RFC3: variants seen among roughly 807,000 people sequenced by gnomAD.
The protein encoded by RFC3 is replication factor C subunit 3, also known as A1 38 kDa subunit.
A neutral mutation model predicts 45.1 loss-of-function variants in RFC3; 41 were observed. The observed-to-expected ratio is 0.91, with a 90% CI of 0.71 to 1.18. RFC3 has a LOEUF of 1.18. Ranked by LOEUF, RFC3 falls within the 50% of genes most tolerant of loss-of-function variation. RFC3 has a pLI of 0.00. For synonymous variants in RFC3, 149 were observed against 144.0 expected, an observed-to-expected ratio of 1.03 and a Z score of -0.25; for missense variants, 423 against 428.1, an observed-to-expected ratio of 0.99 and a Z score of 0.10.
rs12585195 is a variant in RFC3, at chr13:33,922,643, T to C, written c.880-43444T>C. ...TGCCATAAAACCTTTGGGAAAAATA[T>C]GTTTTTTAGTTTGTGCTGTTATGAA... On this transcript the variant is annotated intron_variant, in intron 8 of 8. Coordinates refer to the RFC3 transcript ENST00000434425. Among the ~76,000 whole-genome samples, 4 of 152,254 alleles carry C rather than the reference T, an allele frequency of 2.6e-5. No homozygotes were observed. In the East Asian group the frequency reaches 7.7e-4, roughly 29 times the overall value.
At chr13:33,830,227 A>G (rs1303055667) in intron 5 of RFC3, among the ~76,000 whole-genome samples, 2 of 152,210 alleles carry the variant, frequency 1.3e-5, no homozygotes, top group Non-Finnish European at 1.5e-5. Context: ...AACCATCTTT[A>G]CTTTGAACAA....
intron 8 of RFC3, among the ~76,000 whole-genome samples, chr13:33,894,548 A>G (rs760625123): frequency 6.6e-6 from 1 of 152,152 alleles, no homozygotes; most frequent in African/African-American, 2.4e-5. Context: ...AGCCAAGGGT[A>G]CAGGAGCTGG....
intron 8 of RFC3, among the ~76,000 whole-genome samples, chr13:33,927,417 G>A (rs1237688862): frequency 6.6e-6 from 1 of 152,048 alleles, no homozygotes; most frequent in East Asian, 1.9e-4. Flanking sequence ...GCTCTGATTG[G>A]TGAGTGGTGG....
chr13:33,864,740 T>C (rs977962857), intron 8 of RFC3, among the ~76,000 whole-genome samples: 1 of 152,094 alleles, frequency 6.6e-6, no homozygotes. Context: ...CAGAAAGTGA[T>C]ATAATCCAAT....
intron 8 of RFC3, among the ~76,000 whole-genome samples, chr13:33,945,941 G>A (rs1361584676): frequency 2.0e-5 from 3 of 152,146 alleles, no homozygotes; most frequent in Non-Finnish European, 2.9e-5. Flanking sequence ...AGAATCTTAT[G>A]GTTTCTTTGT....
chr13:33,824,087 G>A lies in RFC3; in HGVS notation c.293+103G>A, dbSNP rs2082027844. 13 of 576,586 alleles carry A rather than the reference G, an allele frequency of 2.3e-5. No homozygotes were observed. The South Asian group carries it at 2.7e-4, about 12-fold the overall frequency. The allele number at this position is 576,586 out of a possible 1,614,324, so 35.7% of individuals were successfully genotyped here. On this transcript the variant is annotated intron_variant, in intron 3 of 8. Coordinates refer to ENST00000380071, the MANE Select transcript of RFC3 (RefSeq NM_002915.4). ...CCTTTTTTGAAATAAATTGATACGT[G>A]TGGAAGCACAGTTTATAAAACAGAC... is the stretch of plus-strand genomic sequence containing the variant.
downstream of RFC3, among the ~76,000 whole-genome samples, chr13:33,839,621 T>C (rs2082182777): frequency 6.6e-6 from 1 of 152,228 alleles, no homozygotes; most frequent in South Asian, 2.1e-4. Flanking sequence ...TGTTCACTTC[T>C]CTACTTAACT....
chr13:33,897,211 A>G (rs2082605799), intron 8 of RFC3, among the ~76,000 whole-genome samples: 1 of 152,128 alleles, frequency 6.6e-6, no homozygotes, highest in Non-Finnish European at 1.5e-5. Flanking sequence ...ACCAGTTAAG[A>G]GATAGACAAT....
At chr13:33,831,941 T>C (rs1204512729) in intron 7 of RFC3, among the ~76,000 whole-genome samples, 3 of 152,238 alleles carry the variant, frequency 2.0e-5, no homozygotes. Flanking sequence ...CCTGTGCTTA[T>C]AGATGACCAT....
chr13:33,942,386 A>T (rs1483508456), intron 8 of RFC3, among the ~76,000 whole-genome samples: 1 of 152,132 alleles, frequency 6.6e-6, no homozygotes, highest in Non-Finnish European at 1.5e-5. Flanking sequence ...CGATGCTTTG[A>T]TACAGGCATA....
rs1434091415 is a variant in RFC3 at position 33,825,783 on chromosome 13, G to C, written c.294-6G>C. The C allele has an allele frequency of 6.4e-7, 1 of 1,572,504 alleles. No homozygotes were observed. Among genetic ancestry groups the C allele is most frequent in the South Asian group, 1.2e-5 (1 of 85,574 alleles). Reference sequence around the variant, plus strand: ...TACTATATACCATTATTTTTGTTTTGTGTAGTGATGCTGGAAATAGTGACC... The same window carrying C: ...TACTATATACCATTATTTTTGTTTTCTGTAGTGATGCTGGAAATAGTGACC... On this transcript the variant is annotated splice_region_variant and splice_polypyrimidine_tract_variant and intron_variant, in intron 3 of 8. Coordinates refer to ENST00000380071, the MANE Select transcript of RFC3 (RefSeq NM_002915.4).
the RFC3 span, among the ~76,000 whole-genome samples, chr13:33,976,844 G>A: frequency 6.6e-6 from 1 of 152,128 alleles, no homozygotes; most frequent in Non-Finnish European, 1.5e-5. Context: ...TGTGCATGGT[G>A]GCCTCCTTCC....
chr13:33,852,437 A>G (rs2082282302), intron 8 of RFC3, among the ~76,000 whole-genome samples: 1 of 152,142 alleles, frequency 6.6e-6, no homozygotes. Flanking sequence ...TTCTATCAGT[A>G]ACAGGTTATA....
intron 8 of RFC3, among the ~76,000 whole-genome samples, chr13:33,919,253 T>C (rs2082752537): frequency 6.6e-6 from 1 of 152,150 alleles, no homozygotes; most frequent in South Asian, 2.1e-4. Context: ...AGAAATAAAT[T>C]AGAAGACATG....
At chr13:33,919,025 A>T (rs371595037) in intron 8 of RFC3, among the ~76,000 whole-genome samples, 1 of 120,104 alleles carries the variant, frequency 8.3e-6, no homozygotes, top group African/African-American at 3.2e-5. Flanking sequence ...TGGAACAAAG[A>T]CCTTGTCCGT....
At chr13:33,919,888 T>C (rs1423646657) in intron 8 of RFC3, among the ~76,000 whole-genome samples, 1 of 152,174 alleles carries the variant, frequency 6.6e-6, no homozygotes, top group East Asian at 1.9e-4. Context: ...TTGTGCATAC[T>C]TAACCTGGGT....
chr13:33,961,564 T>G (rs1015167374), intron 8 of RFC3, among the ~76,000 whole-genome samples: 3 of 152,192 alleles, frequency 2.0e-5, no homozygotes, highest in Admixed American at 6.5e-5. Context: ...TACTAGCTTT[T>G]GAAAGCACAC....
chr13:33,850,160 T>TA (rs1311495379), intron 8 of RFC3: 1 of 152,196 alleles, frequency 6.6e-6, no homozygotes, highest in Admixed American at 6.5e-5. Flanking sequence ...CTATCTTTTT[T>TA]ACATAGGTAT....
intron 8 of RFC3, among the ~76,000 whole-genome samples, chr13:33,908,174 AACAC>A (rs1180412121): frequency 1.3e-5 from 2 of 151,980 alleles, no homozygotes; most frequent in South Asian, 2.1e-4. Flanking sequence ...TCTGAAAAAA[AACAC>A]ACACACACAG....
Sources: gnomAD v4.1 joint callset for allele counts (sites outside exome capture counted in the v4.1 genomes callset) on GRCh38, gnomAD v4.1.1 for gene constraint, MANE v1.5 for transcripts, NCBI Gene and HGNC (gene_info 2026-07-23, HGNC 2026-07-21) for gene names.